Variants in ABCC12 observed in about 807,000 individuals in gnomAD.
ABCC12 encodes the protein ATP-binding cassette sub-family C member 12.
ABCC12 carries 142 observed loss-of-function variants against 151.1 expected under a neutral mutation model. The ratio of observed to expected loss-of-function variants is 0.94; its 90% CI spans 0.82 to 1.08. The LOEUF (loss-of-function observed/expected upper bound fraction) is 1.08. Among genes scored for constraint, ABCC12 ranks in the 50% least tolerant of loss-of-function variants. The pLI, the probability that ABCC12 is intolerant of heterozygous loss-of-function variation, is 0.00. For synonymous variants in ABCC12, 645 were observed against 646.4 expected (o/e 1.00, Z 0.03); for missense variants, 1,638 against 1,691.1 (o/e 0.97, Z 0.55).
rs1296768800 is a variant in ABCC12, at chr16:48,124,290, A to G, written c.1516-6T>C. ...CATATTCCCAAGATCTTCCCCTGCC[A>G]GAGAAACAGAGATGGGACACAGTCA... is the stretch of plus-strand genomic sequence containing the variant. On this transcript the variant is annotated splice_polypyrimidine_tract_variant and splice_region_variant and intron_variant, in intron 11 of 30. Transcript: ENST00000311303. 1 of 1,613,820 alleles carries G rather than the reference A, an allele frequency of 6.2e-7. No homozygotes were observed.
intron 11 of ABCC12, among the ~76,000 whole-genome samples, chr16:48,126,210 C>T (rs761396844): frequency 2.0e-5 from 3 of 152,124 alleles, no homozygotes; most frequent in African/African-American, 4.8e-5. Context: ...TTAAAGAGAC[C>T]GCAGATGTGA....
chr16:48,088,843 T>G (rs970690571), intron 25 of ABCC12, 109 bp from the exon 26 acceptor site: 3 of 943,040 alleles, frequency 3.2e-6, no homozygotes, highest in Non-Finnish European at 4.6e-6. Flanking sequence ...TTCATGGTGG[T>G]GAAATAAACC....
intron 29 of ABCC12, among the ~76,000 whole-genome samples, 197 bp downstream of exon 29, chr16:48,085,396 G>T (rs8061560): frequency 3.3e-5 from 5 of 152,136 alleles, no homozygotes; most frequent in African/African-American, 9.6e-5. Context: ...GGAGGGGAAG[G>T]TGCTCTTGCT....
At chr16:48,108,568 G>A (rs765642252) in intron 18 of ABCC12, 39 bp from the exon 19 acceptor site, 4 of 1,587,872 alleles carry the variant, frequency 2.5e-6, no homozygotes, top group African/African-American at 1.3e-5. Flanking sequence ...TCTCACCACT[G>A]GGGTGGGGGC....
chr16:48,117,310 C>T lies in ABCC12; in HGVS notation c.1736G>A (p.Cys579Tyr). The change falls in exon 14 of 31, where the codon TGT becomes TAT. Residue 579 changes from cysteine (C) to tyrosine (Y), a missense_variant. Physicochemically the swap from Cys to Tyr is radical, Grantham distance 194. Coordinates refer to ENST00000311303, the MANE Select transcript of ABCC12 (RefSeq NM_001393797.1). ...HQRYQHTVRV[C>Y]GLQKDLSNLP... ...GTTGCTCAGGTCCTTCTGGAGGCCA[C>T]AGACGCGGACTGTGTGCTGATACCT... 1 of 1,613,870 alleles carries T rather than the reference C, an allele frequency of 6.2e-7. No homozygotes were observed. The highest frequency in any genetic ancestry group is 1.1e-5 in the South Asian group (1 of 91,014).
rs145614383 is a variant in ABCC12, at chr16:48,139,276, A to G, written c.718T>C (p.Leu240=). The G allele has an allele frequency of 2.5e-6, 4 of 1,614,008 alleles. No homozygotes were observed. In the African/African-American group the frequency reaches 5.3e-5, roughly 22 times the overall value. Residue 240 remains leucine (L), a synonymous_variant, in exon 7 of 31, where the codon TTG becomes CTG. Coordinates refer to ENST00000311303, the MANE Select transcript of ABCC12 (RefSeq NM_001393797.1). ...SLFEAALFCP[L]PATIPILMVF... Reference sequence around the variant, plus strand: ...ATTAGGATCGGGATGGTGGCTGGCAAAGGACAAAACAAGGCAGCTTCAAAC... The same window carrying G: ...ATTAGGATCGGGATGGTGGCTGGCAGAGGACAAAACAAGGCAGCTTCAAAC...
chr16:48,124,370 T>C, intron 11 of ABCC12, 86 bp from the exon 12 acceptor site: 2 of 1,359,142 alleles, frequency 1.5e-6, no homozygotes, highest in Non-Finnish European at 2.1e-6. Context: ...CAAACTATGC[T>C]GGTCAGGCCA....
intron 15 of ABCC12, among the ~76,000 whole-genome samples, chr16:48,114,558 A>G (rs954248831): frequency 1.3e-5 from 2 of 152,162 alleles, no homozygotes; most frequent in African/African-American, 4.8e-5. Context: ...GCCTTTCAAC[A>G]TAAGTCAATC....
intron 3 of ABCC12, among the ~76,000 whole-genome samples, chr16:48,144,845 A>G (rs1964944649): frequency 6.6e-6 from 1 of 152,246 alleles, no homozygotes; most frequent in Admixed American, 6.5e-5. Context: ...GGTGACTTTC[A>G]TGATACAGTC....
At position 48,121,544 on chromosome 16, in the gene ABCC12, G is replaced by A. The variant is rs527293062; in HGVS notation, c.1712+172C>T. The A allele has an allele frequency of 1.1e-3, 932 of 864,702 alleles. 2 individuals are homozygous for A. The highest frequency in any genetic ancestry group is 1.4e-3 in the Non-Finnish European group (833 of 583,186). The allele number at this position is 864,702 out of a possible 1,614,324, so 53.6% of individuals were successfully genotyped here. A position where few individuals can be genotyped will look rare whatever the true frequency, so the allele number is the denominator to read the frequency against. ...CAGGTCTGCAGAAGTCGCCTCTCCTGAACGCTTGGCTCAGGAAGAGGAAAA... is the reference window on the plus strand; with the variant it reads ...CAGGTCTGCAGAAGTCGCCTCTCCTAAACGCTTGGCTCAGGAAGAGGAAAA... On this transcript the variant is annotated intron_variant, in intron 13 of 30. Coordinates refer to ENST00000311303, the MANE Select transcript of ABCC12 (RefSeq NM_001393797.1).
chr16:48,138,178 A>T, intron 8 of ABCC12, 50 bp downstream of exon 8: 2 of 1,549,284 alleles, frequency 1.3e-6, no homozygotes, highest in East Asian at 4.5e-5. Context: ...CCCTTAGAAG[A>T]GCATATTCTA....
chr16:48,098,090 G>C (rs967583185), intron 23 of ABCC12, among the ~76,000 whole-genome samples: 28 of 121,898 alleles, frequency 2.3e-4, no homozygotes, highest in Non-Finnish European at 3.3e-4. Context: ...TGCCCCACCT[G>C]ACACACACAC....
At chr16:48,152,136 C>A (rs1965125130) in intron 2 of ABCC12, among the ~76,000 whole-genome samples, 1 of 152,150 alleles carries the variant, frequency 6.6e-6, no homozygotes, top group Admixed American at 6.5e-5. Context: ...TGTTTGTTTA[C>A]CAGAAAGCCC....
Position 48,117,307 on chromosome 16 carries a change from CCA to C in ABCC12, c.1737_1738del (p.Cys579TrpfsTer16), listed in dbSNP as rs1567451567. On this transcript the variant is annotated frameshift_variant, in exon 14 of 31. Coordinates refer to ENST00000311303, the MANE Select transcript of ABCC12 (RefSeq NM_001393797.1). LOFTEE classifies it high-confidence loss of function. ...GAGGTTGCTCAGGTCCTTCTGGAGG[CCA>C]CAGACGCGGACTGTGTGCTGATACC... The C allele has an allele frequency of 2.5e-6, 4 of 1,613,876 alleles. No individual in the cohort carries two copies. In the South Asian group the frequency reaches 4.4e-5, roughly 18 times the overall value.
intron 2 of ABCC12, among the ~76,000 whole-genome samples, chr16:48,147,987 G>C (rs1420320637): frequency 6.6e-6 from 1 of 152,130 alleles, no homozygotes; most frequent in Non-Finnish European, 1.5e-5. Flanking sequence ...TCACTCTGTC[G>C]CCCAGGTGGG....
At position 48,148,594 on chromosome 16, in the gene ABCC12, C is replaced by T. The variant is rs561906735; in HGVS notation, c.-50-2120G>A. On this transcript the variant is annotated intron_variant, in intron 2 of 30. Coordinates refer to ENST00000311303, the MANE Select transcript of ABCC12 (RefSeq NM_001393797.1). ...TAGACCCAGCTGTAGATTCCTAATT[C>T]AATGAGAGTATTAGCAGCTACCAGA... Among the ~76,000 whole-genome samples the T allele has an allele frequency of 2.1e-4, 32 of 152,148 alleles. No individual in the cohort carries two copies. In the South Asian group the frequency reaches 6.4e-3, roughly 31 times the overall value.
intron 9 of ABCC12, among the ~76,000 whole-genome samples, chr16:48,131,573 T>A (rs1430744498): frequency 6.6e-6 from 1 of 152,190 alleles, no homozygotes; most frequent in East Asian, 1.9e-4. Flanking sequence ...GTGGTTAATA[T>A]TCTACAGCCT....
At chr16:48,152,602 G>A (rs185006714) in intron 2 of ABCC12, among the ~76,000 whole-genome samples, 1 of 152,320 alleles carries the variant, frequency 6.6e-6, no homozygotes, top group Admixed American at 6.5e-5. Flanking sequence ...TTATTTGGGG[G>A]AGAATCATAG....
chr16:48,112,895 T>C (rs368820463), intron 15 of ABCC12, among the ~76,000 whole-genome samples: 2 of 152,178 alleles, frequency 1.3e-5, no homozygotes, highest in African/African-American at 2.4e-5. Flanking sequence ...AAAGCACTTC[T>C]GTTTTTTTTA....
Sources: gnomAD v4.1 joint callset for allele counts (sites outside exome capture counted in the v4.1 genomes callset) on GRCh38, gnomAD v4.1.1 for gene constraint, MANE v1.5 for transcripts, NCBI Gene and HGNC (gene_info 2026-07-23, HGNC 2026-07-21) for gene names.